The following EFNA5 variants were observed in gnomAD, a reference collection of about 807,000 sequenced individuals.
EFNA5 encodes the protein ephrin A5.
In EFNA5, 5 loss-of-function variants were observed where a neutral mutation model predicts 22.9. The ratio of observed to expected loss-of-function variants is 0.22; its 90% CI spans 0.11 to 0.46. The LOEUF (loss-of-function observed/expected upper bound fraction) is 0.46. EFNA5 is among the 20% of genes least tolerant of loss of function. The pLI is 0.99. For synonymous variants in EFNA5, 113 were observed against 112.2 expected (o/e 1.01, Z -0.04); for missense variants, 237 against 293.3 (o/e 0.81, Z 1.40).
At chr5:107,500,783 T>C (rs1012260231) in intron 1 of EFNA5, among the ~76,000 whole-genome samples, 4 of 152,010 alleles carry the variant, frequency 2.6e-5, no homozygotes, top group Non-Finnish European at 4.4e-5. Context: ...GGCTATATTA[T>C]AACAAAGGTC....
chr5:107,555,280 A>C (rs1580528013), intron 1 of EFNA5, among the ~76,000 whole-genome samples: 1 of 152,242 alleles, frequency 6.6e-6, no homozygotes, highest in African/African-American at 2.4e-5. Context: ...TGAGATAGCC[A>C]GATACACATC....
chr5:107,576,812 GAATCTCA>G (rs1354027083), intron 1 of EFNA5, among the ~76,000 whole-genome samples: 25 of 152,266 alleles, frequency 1.6e-4, no homozygotes, highest in Middle Eastern at 3.4e-3. Context: ...CCTCCCTTTA[GAATCTCA>G]GAACAACTGC....
intron 1 of EFNA5, among the ~76,000 whole-genome samples, chr5:107,563,929 C>A (rs971581724): frequency 6.6e-6 from 1 of 152,226 alleles, no homozygotes; most frequent in Non-Finnish European, 1.5e-5. Flanking sequence ...CCTCCCTCTA[C>A]CTTCCTGGTA....
chr5:107,534,417 T>C (rs559752659), intron 1 of EFNA5, among the ~76,000 whole-genome samples: 4 of 152,328 alleles, frequency 2.6e-5, no homozygotes, highest in African/African-American at 9.6e-5. Flanking sequence ...TGTCTAGTCC[T>C]GGAAAGCAAA....
intron 1 of EFNA5, among the ~76,000 whole-genome samples, chr5:107,588,171 A>C (rs1749233765): frequency 6.6e-6 from 1 of 151,930 alleles, no homozygotes. Flanking sequence ...AGAGTGTTCA[A>C]ATTCTACTTG....
At chr5:107,432,664 T>C (rs1748995434) in intron 1 of EFNA5, among the ~76,000 whole-genome samples, 1 of 152,200 alleles carries the variant, frequency 6.6e-6, no homozygotes. Context: ...CCCTGCCTGT[T>C]TTCACAGTGT....
At chr5:107,587,741 T>C (rs1039572326) in intron 1 of EFNA5, among the ~76,000 whole-genome samples, 3 of 152,138 alleles carry the variant, frequency 2.0e-5, no homozygotes, top group African/African-American at 4.8e-5. Context: ...ATGGTCTCGA[T>C]CTCCTAACCT....
At chr5:107,537,111 A>G (rs1747946865) in intron 1 of EFNA5, among the ~76,000 whole-genome samples, 1 of 152,106 alleles carries the variant, frequency 6.6e-6, no homozygotes, top group Admixed American at 6.6e-5. Flanking sequence ...CTCAAAGAAA[A>G]AAAAAAAAAA....
intron 1 of EFNA5, among the ~76,000 whole-genome samples, chr5:107,446,188 G>A (rs891905307): frequency 1.3e-5 from 2 of 152,104 alleles, no homozygotes; most frequent in African/African-American, 2.4e-5. Context: ...AATAAATGAT[G>A]ACTAAAAGTA....
At chr5:107,446,287 T>C (rs1014351558) in intron 1 of EFNA5, among the ~76,000 whole-genome samples, 3 of 152,370 alleles carry the variant, frequency 2.0e-5, no homozygotes, top group Non-Finnish European at 4.4e-5. Flanking sequence ...ATACTATTTA[T>C]GGAACTTTTA....
At chr5:107,476,311 C>G (rs1223154720) in intron 1 of EFNA5, among the ~76,000 whole-genome samples, 1 of 151,506 alleles carries the variant, frequency 6.6e-6, no homozygotes, top group Non-Finnish European at 1.5e-5. Context: ...CCTCAGCCTC[C>G]CAAAGTGCTG....
At chr5:107,459,814 T>C (rs569241784) in intron 1 of EFNA5, among the ~76,000 whole-genome samples, 1 of 152,280 alleles carries the variant, frequency 6.6e-6, no homozygotes, top group East Asian at 1.9e-4. Flanking sequence ...GAATCTCATA[T>C]GAGGAAACAT....
intron 1 of EFNA5, among the ~76,000 whole-genome samples, chr5:107,621,570 G>A (rs754191907): frequency 2.0e-5 from 3 of 152,270 alleles, no homozygotes; most frequent in Non-Finnish European, 2.9e-5. Flanking sequence ...TTTGAGACAG[G>A]CAAATCCTGA....
intron 1 of EFNA5, among the ~76,000 whole-genome samples, chr5:107,610,359 C>G (rs1478384485): frequency 6.6e-6 from 1 of 152,226 alleles, no homozygotes; most frequent in African/African-American, 2.4e-5. Flanking sequence ...GCGCACCCGC[C>G]CCGCTTGAAG....
intron 2 of EFNA5, among the ~76,000 whole-genome samples, chr5:107,400,639 G>A (rs1017660362): frequency 1.3e-5 from 2 of 152,232 alleles, no homozygotes; most frequent in Admixed American, 1.3e-4. Context: ...TGGCACAAAG[G>A]AGGTACCCAA....
chr5:107,613,308 G>C (rs575231845), intron 1 of EFNA5, among the ~76,000 whole-genome samples: 1 of 152,034 alleles, frequency 6.6e-6, no homozygotes, highest in Non-Finnish European at 1.5e-5. Context: ...TATCATCTAA[G>C]TTGCTTTTTT....
chr5:107,635,950 T>C (rs1230644803), intron 1 of EFNA5, among the ~76,000 whole-genome samples: 2 of 152,228 alleles, frequency 1.3e-5, no homozygotes, highest in African/African-American at 2.4e-5. Context: ...GTTGAAAATA[T>C]TATTAAAGCA....
intron 1 of EFNA5, among the ~76,000 whole-genome samples, chr5:107,500,358 T>C (rs1191555261): frequency 6.6e-6 from 1 of 152,266 alleles, no homozygotes; most frequent in Non-Finnish European, 1.5e-5. Flanking sequence ...TATTTGTAGC[T>C]CTGCATTTCT....
At chr5:107,452,613 C>T (rs114369602) in intron 1 of EFNA5, among the ~76,000 whole-genome samples, 2,657 of 152,102 alleles carry the variant, frequency 0.017, 79 homozygotes, top group African/African-American at 0.061. Flanking sequence ...GTAGTCCCAG[C>T]TACTTGGAAG....
Sources: allele counts gnomAD v4.1 joint callset (sites outside exome capture counted in the v4.1 genomes callset), GRCh38; gene constraint gnomAD v4.1.1; transcripts MANE v1.5; gene names NCBI Gene and HGNC (gene_info 2026-07-23, HGNC 2026-07-21).